TYW1: variants seen among roughly 807,000 people sequenced by gnomAD.
TYW1 encodes the protein S-adenosyl-L-methionine-dependent tRNA 4-demethylwyosine synthase TYW1.
Under a neutral mutation model 96.2 loss-of-function variants are expected in TYW1, and 46 were observed. The ratio of observed to expected loss-of-function variants is 0.48; its 90% confidence interval spans 0.38 to 0.61. TYW1 has a LOEUF of 0.61. Among genes scored for constraint, TYW1 ranks in the 20% least tolerant of loss-of-function variants. The probability of loss-of-function intolerance (pLI) is 0.00; values close to 1 mark genes in which losing one functional copy is unlikely to be tolerated. For missense variants in TYW1, 684 were observed against 909.6 expected (o/e 0.75, Z 3.19); for synonymous variants, 274 against 323.0 (o/e 0.85, Z 1.63).
At chr7:67,225,000 G>A (rs1169188921) in intron 15 of TYW1, among the ~76,000 whole-genome samples, 2 of 152,004 alleles carry the variant, frequency 1.3e-5, no homozygotes, top group Non-Finnish European at 2.9e-5. Context: ...AGACCAGTCT[G>A]GCCAACATGG....
At chr7:67,200,285 A>G (rs145892982) in intron 15 of TYW1, among the ~76,000 whole-genome samples, 7 of 152,186 alleles carry the variant, frequency 4.6e-5, no homozygotes, top group African/African-American at 1.4e-4. Flanking sequence ...TGAGTAAACA[A>G]TGGTCCCTGT....
intron 8 of TYW1, among the ~76,000 whole-genome samples, chr7:67,052,802 G>T (rs1047565579): frequency 1.3e-5 from 2 of 152,078 alleles, no homozygotes; most frequent in African/African-American, 4.8e-5. Context: ...CGTGATCTTG[G>T]CTCACTGCAA....
chr7:67,018,061 A>G lies in TYW1; in HGVS notation c.779A>G (p.Lys260Arg), dbSNP rs200451351. 5 of 1,614,026 alleles carry G rather than the reference A, an allele frequency of 3.1e-6. No individual in the cohort carries two copies. Among genetic ancestry groups the G allele is most frequent in the Non-Finnish European group, 4.2e-6 (5 of 1,180,044 alleles). ...TGTGGCGGCCACTGCAAGAAAGGCA[A>G]ATGTGAATCTCACCAACATGGCTCA... ...KSCGGHCKKG[K>R]CESHQHGSEE... The change falls in exon 6 of 16, where the codon AAA becomes AGA. Residue 260 changes from lysine (K) to arginine (R), a missense_variant. Coordinates refer to ENST00000359626, the MANE Select transcript of TYW1 (RefSeq NM_018264.4).
In TYW1 at chr7:67,149,416, A is replaced by AT. The variant is rs199559604; in HGVS notation, c.1698+31799dup. ...TGGCTTGCTCTTCTGATGTGGGTCC[A>AT]TAAGAAACTCATATACATGGCAAAA... On this transcript the variant is annotated intron_variant, in intron 13 of 15. Transcript: ENST00000359626. 2.1e-3 allele frequency among the ~76,000 whole-genome samples: 325 copies of AT among 152,326 alleles called. 8 individuals are homozygous for AT. In the East Asian group the frequency reaches 0.045, roughly 21 times the overall value.
chr7:67,013,120 C>CCT (rs778034934), intron 4 of TYW1, among the ~76,000 whole-genome samples: 1 of 141,532 alleles, frequency 7.1e-6, no homozygotes. Flanking sequence ...CTTTTCTTTT[C>CCT]TTTTTTTTTT....
At chr7:67,091,756 T>C (rs62468363) in intron 11 of TYW1, among the ~76,000 whole-genome samples, 50,621 of 151,982 alleles carry the variant, frequency 0.33, 8,967 homozygotes, top group African/African-American at 0.45. Context: ...ACATAAGCTT[T>C]TCAATATCTT....
At chr7:67,053,367 G>A (rs1795420721) in intron 8 of TYW1, among the ~76,000 whole-genome samples, 1 of 150,008 alleles carries the variant, frequency 6.7e-6, no homozygotes, top group Non-Finnish European at 1.5e-5. Flanking sequence ...TTTTCATTTG[G>A]GATAGTTTGT....
At chr7:67,199,073 T>C (rs545178538) in intron 15 of TYW1, among the ~76,000 whole-genome samples, 1 of 152,244 alleles carries the variant, frequency 6.6e-6, no homozygotes, top group South Asian at 2.1e-4. Flanking sequence ...GGCATGAACC[T>C]GTAGTCCCAG....
chr7:67,100,850 CAAAAAAA>C (rs57665696), intron 12 of TYW1, among the ~76,000 whole-genome samples: 1 of 75,624 alleles, frequency 1.3e-5, no homozygotes, highest in Admixed American at 1.6e-4. Flanking sequence ...GGCTACAGAG[CAAAAAAA>C]AAAAAAAAAA....
chr7:67,013,171 AGT>A (rs1793874857), intron 4 of TYW1, among the ~76,000 whole-genome samples: 1 of 148,452 alleles, frequency 6.7e-6, no homozygotes, highest in Non-Finnish European at 1.5e-5. Flanking sequence ...GCTGGAGTGC[AGT>A]GTGCAGGGGT....
intron 7 of TYW1, among the ~76,000 whole-genome samples, chr7:67,039,670 CTT>C (rs35673254): frequency 6.9e-6 from 1 of 144,954 alleles, no homozygotes; most frequent in Non-Finnish European, 1.5e-5. Context: ...TTTTTAATTA[CTT>C]TTTTTTTTTT....
At chr7:66,999,046 G>A in intron 3 of TYW1, 92 bp downstream of exon 3, 1 of 1,309,140 alleles carries the variant, frequency 7.6e-7, no homozygotes, top group Non-Finnish European at 1.1e-6. Context: ...CTGTCCTTTA[G>A]CAGTGAACTG....
At position 67,128,690 on chromosome 7, in the gene TYW1, G is replaced by GTT. The variant is rs59475781; in HGVS notation, c.1698+11089_1698+11090dup. ...TGTAGTCTTATGATTAGGTCTCAGT[G>GTT]TTTTTTTTTTTTTTTTTTGAGACGG... On this transcript the variant is annotated intron_variant, in intron 13 of 15. Coordinates refer to ENST00000359626, the MANE Select transcript of TYW1 (RefSeq NM_018264.4). Among the ~76,000 whole-genome samples the GTT allele has an allele frequency of 6.9e-3, 945 of 137,022 alleles. 5 individuals carry two copies. The highest frequency in any genetic ancestry group is 0.011 in the Non-Finnish European group (667 of 63,442). 89.9% of individuals were successfully genotyped at this position (137,022 alleles called of 152,430 possible).
chr7:67,091,217 T>C (rs1584547926), intron 11 of TYW1, among the ~76,000 whole-genome samples: 1 of 151,344 alleles, frequency 6.6e-6, no homozygotes, highest in South Asian at 2.1e-4. Flanking sequence ...ATATACACCA[T>C]GGAATACTAT....
chr7:67,217,979 C>T (rs1212302442), intron 15 of TYW1, among the ~76,000 whole-genome samples: 2 of 151,314 alleles, frequency 1.3e-5, no homozygotes, highest in Non-Finnish European at 2.9e-5. Flanking sequence ...CTTCCTCAGC[C>T]TCCCAAGTAG....
chr7:67,183,082 C>CG, intron 13 of TYW1, 44 bp from the exon 14 acceptor site: 1 of 1,536,884 alleles, frequency 6.5e-7, no homozygotes, highest in Non-Finnish European at 8.8e-7. Flanking sequence ...TAAGAGGTGA[C>CG]GTCCACCAAG....
intron 4 of TYW1, among the ~76,000 whole-genome samples, chr7:67,011,388 C>T (rs1793790612): frequency 1.3e-5 from 2 of 152,216 alleles, no homozygotes; most frequent in Non-Finnish European, 2.9e-5. Flanking sequence ...AAAAGTGTTC[C>T]TCCCCTTTTT....
intron 13 of TYW1, among the ~76,000 whole-genome samples, chr7:67,163,680 T>G (rs1009827211): frequency 1.8e-4 from 28 of 151,578 alleles, no homozygotes; most frequent in Non-Finnish European, 4.0e-4. Flanking sequence ...TTTTTTTTTT[T>G]TTTTCTGAGA....
intron 9 of TYW1, among the ~76,000 whole-genome samples, chr7:67,066,294 A>C (rs1226129088): frequency 2.0e-5 from 3 of 151,966 alleles, no homozygotes; most frequent in Non-Finnish European, 4.4e-5. Context: ...CACTGCTTTC[A>C]CTTGTACTGA....
Sources: allele counts gnomAD v4.1 joint callset (sites outside exome capture counted in the v4.1 genomes callset), GRCh38; gene constraint gnomAD v4.1.1; transcripts MANE v1.5; gene names NCBI Gene and HGNC (gene_info 2026-07-23, HGNC 2026-07-21).